PSMA1: variants seen among roughly 807,000 people sequenced by gnomAD.
The protein encoded by PSMA1 is proteasome subunit alpha type-1.
PSMA1 carries 3 observed loss-of-function variants against 38.4 expected under a neutral mutation model. That is an observed-to-expected ratio of 0.08 (90% confidence interval 0.04 to 0.20). The LOEUF (loss-of-function observed/expected upper bound fraction) is 0.20, where lower values mean the gene tolerates loss of function less well. Among genes scored for constraint, PSMA1 ranks in the 10% least tolerant of loss-of-function variants. PSMA1 has a pLI of 1.00. For missense variants in PSMA1, 227 were observed against 325.3 expected, an observed-to-expected ratio of 0.70 and a Z score of 2.32; for synonymous variants, 101 against 107.1, an observed-to-expected ratio of 0.94 and a Z score of 0.35.
At chr11:14,629,381 C>T (rs938997910) in intron 1 of PSMA1, among the ~76,000 whole-genome samples, 27 of 152,306 alleles carry the variant, frequency 1.8e-4, no homozygotes, top group Admixed American at 1.7e-3. Flanking sequence ...CAGCTTTCTA[C>T]ATATGGCTAG....
upstream of PSMA1, among the ~76,000 whole-genome samples, chr11:14,524,109 C>CAAAA (rs71044009): frequency 7.4e-5 from 4 of 54,204 alleles, no homozygotes; most frequent in Non-Finnish European, 9.2e-5. Flanking sequence ...GACCCTGTCT[C>CAAAA]AAAAAAAAAA....
intron 1 of PSMA1, among the ~76,000 whole-genome samples, chr11:14,640,561 C>T (rs1853186591): frequency 6.6e-6 from 1 of 152,092 alleles, no homozygotes; most frequent in Non-Finnish European, 1.5e-5. Flanking sequence ...TAAATAGCTA[C>T]TTGTTGAAAA....
chr11:14,630,726 T>C (rs1852992382), intron 1 of PSMA1, among the ~76,000 whole-genome samples: 1 of 151,964 alleles, frequency 6.6e-6, no homozygotes, highest in South Asian at 2.1e-4. Flanking sequence ...ATTGGAATAG[T>C]TTCAGAAGGA....
intron 2 of PSMA1, among the ~76,000 whole-genome samples, chr11:14,553,300 A>G (rs1054210889): frequency 1.3e-5 from 2 of 152,222 alleles, no homozygotes; most frequent in African/African-American, 4.8e-5. Flanking sequence ...TTATATTGGT[A>G]CAATCCATTG....
chr11:14,600,173 G>A (rs550258344), intron 2 of PSMA1, among the ~76,000 whole-genome samples: 2 of 152,288 alleles, frequency 1.3e-5, no homozygotes, highest in South Asian at 2.1e-4. Flanking sequence ...CTACTGGGAG[G>A]TGTCTCCCAG....
chr11:14,609,988 G>A (rs891605089), intron 2 of PSMA1, among the ~76,000 whole-genome samples: 1 of 152,174 alleles, frequency 6.6e-6, no homozygotes, highest in African/African-American at 2.4e-5. Flanking sequence ...CAGGGGAGGT[G>A]ACAAATGGTT....
At chr11:14,614,529 T>C (rs1369631920) in intron 1 of PSMA1, among the ~76,000 whole-genome samples, 2 of 152,138 alleles carry the variant, frequency 1.3e-5, no homozygotes, top group African/African-American at 4.8e-5. Flanking sequence ...ATAGGCATAA[T>C]AAACTCAGTA....
intron 2 of PSMA1, among the ~76,000 whole-genome samples, chr11:14,581,489 A>G (rs1252899813): frequency 1.3e-5 from 2 of 152,226 alleles, no homozygotes; most frequent in African/African-American, 4.8e-5. Flanking sequence ...TGAGATTCAG[A>G]TGGGCTAATA....
intron 2 of PSMA1, among the ~76,000 whole-genome samples, chr11:14,579,710 A>G (rs1852260924): frequency 6.6e-6 from 1 of 152,122 alleles, no homozygotes; most frequent in Non-Finnish European, 1.5e-5. Flanking sequence ...TAAAAGAATA[A>G]ACTTTTACAA....
chr11:14,540,805 G>C (rs1375052782), intron 2 of PSMA1, among the ~76,000 whole-genome samples: 2 of 152,100 alleles, frequency 1.3e-5, no homozygotes, highest in Non-Finnish European at 2.9e-5. Flanking sequence ...TGTCATTTTG[G>C]GATGGGGGAC....
chr11:14,550,762 A>G (rs143445179), intron 2 of PSMA1, among the ~76,000 whole-genome samples: 264 of 152,100 alleles, frequency 1.7e-3, no homozygotes, highest in Middle Eastern at 3.4e-3. Flanking sequence ...ATAACCTTAT[A>G]ATTTATTATT....
chr11:14,588,724 G>GA (rs1396150851), intron 2 of PSMA1, among the ~76,000 whole-genome samples: 1 of 152,112 alleles, frequency 6.6e-6, no homozygotes, highest in Non-Finnish European at 1.5e-5. Flanking sequence ...AATGTATTTA[G>GA]AAAAAATATA....
At chr11:14,563,500 G>T (rs1051111328) in intron 2 of PSMA1, among the ~76,000 whole-genome samples, 5 of 152,310 alleles carry the variant, frequency 3.3e-5, no homozygotes, top group African/African-American at 1.2e-4. Flanking sequence ...AATTAGAGCT[G>T]CCTGGGCTGC....
intron 2 of PSMA1, among the ~76,000 whole-genome samples, chr11:14,585,470 A>T (rs1002977645): frequency 1.3e-5 from 2 of 152,226 alleles, no homozygotes; most frequent in Non-Finnish European, 2.9e-5. Context: ...TCATTGCCAA[A>T]TTAAAAGTTT....
At chr11:14,581,883 A>G (rs1225540692) in intron 2 of PSMA1, among the ~76,000 whole-genome samples, 1 of 152,212 alleles carries the variant, frequency 6.6e-6, no homozygotes, top group Non-Finnish European at 1.5e-5. Context: ...GCAATGCCAC[A>G]CTTGCATTTC....
intron 1 of PSMA1, among the ~76,000 whole-genome samples, chr11:14,635,705 G>A (rs1853105795): frequency 6.6e-6 from 1 of 152,138 alleles, no homozygotes; most frequent in Admixed American, 6.5e-5. Context: ...TCAAAAGGGA[G>A]ATTTCTCACT....
chr11:14,631,291 T>C (rs1853005748), intron 1 of PSMA1, among the ~76,000 whole-genome samples: 1 of 152,226 alleles, frequency 6.6e-6, no homozygotes, highest in East Asian at 1.9e-4. Flanking sequence ...CTGCTTTCTC[T>C]TGTGGGCATT....
intron 2 of PSMA1, among the ~76,000 whole-genome samples, chr11:14,544,417 A>G (rs1210269648): frequency 1.3e-5 from 2 of 152,208 alleles, no homozygotes. Flanking sequence ...AAAATTGCAA[A>G]TCATACATCT....
At chr11:14,513,121 C>T (rs991439639) in intron 7 of PSMA1, among the ~76,000 whole-genome samples, 7 of 152,184 alleles carry the variant, frequency 4.6e-5, no homozygotes, top group Non-Finnish European at 1.0e-4. Context: ...TAACATCTTA[C>T]CTCTTTTACC....
Sources: allele counts gnomAD v4.1 joint callset (sites outside exome capture counted in the v4.1 genomes callset), GRCh38; gene constraint gnomAD v4.1.1; transcripts MANE v1.5; gene names NCBI Gene and HGNC (gene_info 2026-07-23, HGNC 2026-07-21).